GATAD2B: variants seen among roughly 807,000 people sequenced by gnomAD.
GATAD2B encodes GATA zinc finger domain containing 2B.
GATAD2B carries 8 observed loss-of-function variants against 64.3 expected under a neutral mutation model. The observed-to-expected ratio is 0.12, with a 90% confidence interval of 0.07 to 0.22. The LOEUF (loss-of-function observed/expected upper bound fraction) is 0.22. Ranked by LOEUF, GATAD2B falls within the 10% of genes least tolerant of loss-of-function variation. The pLI, the probability that GATAD2B is intolerant of heterozygous loss-of-function variation, is 1.00. For synonymous variants in GATAD2B, 281 were observed against 271.3 expected, an observed-to-expected ratio of 1.04 and a Z score of -0.35; for missense variants, 453 against 752.0, an observed-to-expected ratio of 0.60 and a Z score of 4.65.
At chr1:153,917,698 A>G (rs1678315431) in intron 1 of GATAD2B, among the ~76,000 whole-genome samples, 1 of 152,206 alleles carries the variant, frequency 6.6e-6, no homozygotes, top group African/African-American at 2.4e-5. Flanking sequence ...CCCGGCCAAC[A>G]AACATTTATT....
chr1:153,812,799 C>A (rs1443345045), intron 8 of GATAD2B, among the ~76,000 whole-genome samples: 2 of 152,142 alleles, frequency 1.3e-5, no homozygotes, highest in Non-Finnish European at 2.9e-5. Flanking sequence ...CTAAGATATT[C>A]TCATCCTATA....
chr1:153,882,522 G>T (rs914736912), intron 1 of GATAD2B, among the ~76,000 whole-genome samples: 1 of 152,108 alleles, frequency 6.6e-6, no homozygotes, highest in African/African-American at 2.4e-5. Context: ...GCATAGCAAG[G>T]TTTCACAGCA....
intron 1 of GATAD2B, among the ~76,000 whole-genome samples, chr1:153,829,502 C>G (rs1478485717): frequency 1.3e-5 from 2 of 152,012 alleles, no homozygotes; most frequent in Non-Finnish European, 2.9e-5. Context: ...TTTTGGGAGG[C>G]CGAGGAGGGT....
chr1:153,898,386 C>T (rs1169134013), intron 1 of GATAD2B, among the ~76,000 whole-genome samples: 4 of 149,312 alleles, frequency 2.7e-5, no homozygotes, highest in Non-Finnish European at 6.0e-5. Flanking sequence ...TAATAAACTA[C>T]AAAAATACCA....
At chr1:153,821,940 G>A (rs1674699217) in intron 2 of GATAD2B, among the ~76,000 whole-genome samples, 1 of 151,484 alleles carries the variant, frequency 6.6e-6, no homozygotes, top group Non-Finnish European at 1.5e-5. Context: ...ATTAACATGG[G>A]TCATTTTGGG....
chr1:153,836,411 C>A (rs1675270493), intron 1 of GATAD2B, among the ~76,000 whole-genome samples: 1 of 151,724 alleles, frequency 6.6e-6, no homozygotes, highest in Non-Finnish European at 1.5e-5. Flanking sequence ...CCACCATACT[C>A]GGCTAATTTT....
At chr1:153,917,787 TAGAA>T (rs1678317461) in intron 1 of GATAD2B, among the ~76,000 whole-genome samples, 2 of 151,948 alleles carry the variant, frequency 1.3e-5, no homozygotes, top group South Asian at 2.1e-4. Context: ...ACCTACATCA[TAGAA>T]AGAGAACCAA....
intron 1 of GATAD2B, among the ~76,000 whole-genome samples, chr1:153,905,267 T>C (rs529334222): frequency 6.6e-6 from 1 of 152,030 alleles, no homozygotes; most frequent in African/African-American, 2.4e-5. Flanking sequence ...TCTCAGCTAC[T>C]TGGGAGGCTG....
At chr1:153,823,500 T>C (rs974859588) in intron 2 of GATAD2B, among the ~76,000 whole-genome samples, 3 of 152,218 alleles carry the variant, frequency 2.0e-5, no homozygotes, top group Non-Finnish European at 4.4e-5. Context: ...TTCTCTTGCC[T>C]TCTGCTTTCA....
Position 153,805,154 on chromosome 1 carries a change from A to C in GATAD2B, c.*5023T>G, listed in dbSNP as rs1293255834. The stretch of plus-strand genomic sequence containing the variant: ...TACCCTCTCCAGGCTTTATCAGCCC[A>C]GAACCTAAAGAAGAGAGTAGGAGTA... On this transcript the variant is annotated 3_prime_UTR_variant, in exon 11 of 11. Coordinates refer to ENST00000368655, the MANE Select transcript of GATAD2B (RefSeq NM_020699.4). 1 of 145,462 alleles carries C rather than the reference A, an allele frequency of 6.9e-6. No individual in the cohort carries two copies. Among genetic ancestry groups the C allele is most frequent in the Non-Finnish European group, 1.5e-5 (1 of 67,116 alleles). 9.0% of individuals were successfully genotyped at this position (145,462 alleles called of 1,614,324 possible).
chr1:153,907,017 C>G (rs901812380), intron 1 of GATAD2B, among the ~76,000 whole-genome samples: 1 of 152,128 alleles, frequency 6.6e-6, no homozygotes, highest in East Asian at 1.9e-4. Context: ...TTGGCAGGGA[C>G]GTGGAGGGAC....
chr1:153,865,007 T>C (rs1027201552), intron 1 of GATAD2B, among the ~76,000 whole-genome samples: 8 of 151,894 alleles, frequency 5.3e-5, no homozygotes, highest in African/African-American at 1.9e-4. Flanking sequence ...GAGGCGGAGG[T>C]TGCGGTAAGC....
chr1:153,843,819 A>C (rs1174982415), intron 1 of GATAD2B, among the ~76,000 whole-genome samples: 2 of 151,430 alleles, frequency 1.3e-5, no homozygotes, highest in East Asian at 3.9e-4. Context: ...ACCACCAAAA[A>C]AAAAAAAAAA....
chr1:153,904,927 G>A (rs995925191), intron 1 of GATAD2B, among the ~76,000 whole-genome samples: 1 of 151,964 alleles, frequency 6.6e-6, no homozygotes, highest in African/African-American at 2.4e-5. Context: ...GGCTGGTCTC[G>A]AACTCCTGAC....
chr1:153,865,258 G>A (rs898915222), intron 1 of GATAD2B, among the ~76,000 whole-genome samples: 1 of 151,950 alleles, frequency 6.6e-6, no homozygotes, highest in Non-Finnish European at 1.5e-5. Flanking sequence ...TCAGGAGTTC[G>A]AGACCAGCCT....
chr1:153,918,203 G>A (rs1678331057), intron 1 of GATAD2B, among the ~76,000 whole-genome samples: 1 of 152,184 alleles, frequency 6.6e-6, no homozygotes, highest in Non-Finnish European at 1.5e-5. Context: ...CTATTGCAAG[G>A]ACTGGCATTA....
chr1:153,872,148 T>C (rs1277179640), intron 1 of GATAD2B, among the ~76,000 whole-genome samples: 1 of 151,370 alleles, frequency 6.6e-6, no homozygotes, highest in Non-Finnish European at 1.5e-5. Flanking sequence ...TGAAACCCCA[T>C]CTCTACTAAA....
At chr1:153,917,466 C>T (rs1678309454) in intron 1 of GATAD2B, among the ~76,000 whole-genome samples, 3 of 151,376 alleles carry the variant, frequency 2.0e-5, no homozygotes, top group African/African-American at 7.3e-5. Flanking sequence ...GCAATCTCGA[C>T]TCACTGCAAC....
In GATAD2B at chr1:153,816,554, G is replaced by C; in HGVS notation, c.935C>G (p.Thr312Arg). ...SSSSVPCQRTTSSAIYMNLAS... is the reference protein window; with the variant it reads ...SSSSVPCQRTRSSAIYMNLAS... ...AAGGTTCATATAGATGGCAGAGGAT[G>C]TTGTACGCTGACATGGAACAGAAGA... is the stretch of plus-strand genomic sequence containing the variant. Residue 312 changes from threonine (T) to arginine (R), a missense_variant, in exon 7 of 11, where the codon ACA becomes AGA. Around this residue, in one of 2 missense-constraint regions of GATAD2B, gnomAD observed 293 missense variants for 417.2 expected, o/e 0.70. Coordinates refer to ENST00000368655, the MANE Select transcript of GATAD2B (RefSeq NM_020699.4). The surrounding 1 kb of genome is among the most constrained non-coding windows in gnomAD (Gnocchi z 4.9). 6.2e-7 allele frequency: 1 copy of C among 1,613,262 alleles called. No homozygotes were observed. The highest frequency in any genetic ancestry group is 8.5e-7 in the Non-Finnish European group (1 of 1,179,214).
Sources: allele counts gnomAD v4.1 joint callset (sites outside exome capture counted in the v4.1 genomes callset), GRCh38; gene constraint gnomAD v4.1.1; regional missense constraint gnomAD v4.1.1; non-coding constraint Gnocchi (gnomAD v3.1); transcripts MANE v1.5; gene names NCBI Gene and HGNC (gene_info 2026-07-23, HGNC 2026-07-21).